Variants in FTCD observed in about 807,000 individuals in gnomAD.
FTCD encodes the protein formimidoyltransferase cyclodeaminase.
In FTCD, 76 loss-of-function variants were observed where a neutral mutation model predicts 62.9. The ratio of observed to expected loss-of-function variants is 1.21; its 90% CI spans 1.00 to 1.46. The LOEUF (loss-of-function observed/expected upper bound fraction) is 1.46. FTCD is among the 40% of genes most tolerant of loss of function. The probability of loss-of-function intolerance (pLI) is 0.00; values close to 1 mark genes in which losing one functional copy is unlikely to be tolerated. For synonymous variants in FTCD, 397 were observed against 336.9 expected (o/e 1.18, Z -1.95); for missense variants, 845 against 751.3 (o/e 1.12, Z -1.46).
In FTCD at chr21:46,152,112, T is replaced by G. The variant is rs1288734175; in HGVS notation, c.368-132A>C. On this transcript the variant is annotated intron_variant, in intron 3 of 13. Transcript: ENST00000397746. ...CTCTACTGCACCCTCTCCTGGGGAG[T>G]GCCCGTTCTCCGCCTTGGATGGATG... 6.2e-6 allele frequency: 4 copies of G among 646,740 alleles called. No homozygotes were observed. In the Admixed American group the frequency reaches 1.1e-4, roughly 18 times the overall value. 40.1% of individuals were successfully genotyped at this position (646,740 alleles called of 1,614,324 possible). A position where few individuals can be genotyped will look rare whatever the true frequency, so the allele number is the denominator to read the frequency against.
Position 46,137,759 on chromosome 21 carries a change from G to A in FTCD, c.1444-425C>T, listed in dbSNP as rs1024129637. 5.3e-5 allele frequency among the ~76,000 whole-genome samples: 8 copies of A among 152,136 alleles called. No homozygotes were observed. The South Asian group carries it at 1.2e-3, about 24-fold the overall frequency. The stretch of plus-strand genomic sequence containing the variant: ...GAGGCGTCTTTCCTATAAAGAACCC[G>A]AAGACCATGAGGTCTTAGGGCAGCT... On this transcript the variant is annotated intron_variant, in intron 12 of 13. Coordinates refer to ENST00000397746, the MANE Select transcript of FTCD (RefSeq NM_206965.2).
At chr21:46,154,424 G>GGGGCTGAGGAGGC in intron 1 of FTCD, 92 bp from the exon 2 acceptor site, 1 of 1,441,034 alleles carries the variant, frequency 6.9e-7, no homozygotes, top group Non-Finnish European at 9.4e-7. Context: ...GACACAAATG[G>GGGGCTGAGGAGGC]GGGCTGAGGA....
At chr21:46,153,065 G>A in intron 2 of FTCD, 30 bp from the exon 3 acceptor site, 1 of 1,539,422 alleles carries the variant, frequency 6.5e-7, no homozygotes, top group Non-Finnish European at 8.7e-7. Context: ...CCGGGCAGGA[G>A]GCCAGGTGTG....
chr21:46,136,724 G>A (rs1568956014), downstream of FTCD: 10 of 1,476,078 alleles, frequency 6.8e-6, no homozygotes, highest in Non-Finnish European at 9.0e-6. Context: ...CCTGCCCCAA[G>A]ACCCGCAGCT....
intron 1 of FTCD, 113 bp downstream of exon 1, chr21:46,155,357 T>C: frequency 1.1e-6 from 1 of 892,338 alleles, no homozygotes; most frequent in South Asian, 1.4e-5. Context: ...GCTCTGCCCA[T>C]CCTGGGAAGA....
At position 46,136,914 on chromosome 21, in the gene FTCD, C is replaced by A. The variant is rs539171341; in HGVS notation, c.*73G>T. 5.4e-5 allele frequency: 86 copies of A among 1,606,766 alleles called. No homozygotes were observed. In the African/African-American group the frequency reaches 1.1e-3, roughly 20 times the overall value. On this transcript the variant is annotated 3_prime_UTR_variant, in exon 14 of 14. Coordinates refer to ENST00000397746, the MANE Select transcript of FTCD (RefSeq NM_206965.2). Reference sequence around the variant, plus strand: ...CCCACACGAACAAGCTGTGTCCCCACCGAGGTCACAGCTCTGCCCTCTGGG... The same window carrying A: ...CCCACACGAACAAGCTGTGTCCCCAACGAGGTCACAGCTCTGCCCTCTGGG...
At position 46,150,485 on chromosome 21, in the gene FTCD, A is replaced by G. The variant is rs149445900; in HGVS notation, c.677T>C (p.Leu226Pro). ...LKKVQGIGWY[L>P]DEKNLAQVST... Reference sequence around the variant, plus strand: ...CACCTGAGCCAGGTTCTTCTCATCCAGGTACCAGCCAATGCCCTGAACTTT... The same window carrying G: ...CACCTGAGCCAGGTTCTTCTCATCCGGGTACCAGCCAATGCCCTGAACTTT... Residue 226 changes from leucine to proline, a missense_variant, in exon 6 of 14, where the codon CTG becomes CCG. Transcript: ENST00000397746. The G allele has an allele frequency of 1.9e-5, 31 of 1,613,080 alleles. No individual in the cohort carries two copies. In the African/African-American group the frequency reaches 3.7e-4, roughly 19 times the overall value.
At chr21:46,152,051 T>G in intron 3 of FTCD, 71 bp from the exon 4 acceptor site, 2 of 1,101,182 alleles carry the variant, frequency 1.8e-6, no homozygotes, top group Non-Finnish European at 2.7e-6. Context: ...AGGACGCAGG[T>G]GGAGGGGCTC....
rs373992149 is a variant in FTCD at position 46,151,558 on chromosome 21, C to G, written c.636G>C (p.Gln212His). Residue 212 changes from glutamine (Q) to histidine (H), a missense_variant and splice_region_variant, in exon 5 of 14, where the codon CAG becomes CAC. By Grantham distance (24) the Gln-to-His change is conservative. Coordinates refer to ENST00000397746, the MANE Select transcript of FTCD (RefSeq NM_206965.2). ...NLREQGRGKD[Q>H]PGRLKKVQGI... Reference sequence around the variant, plus strand: ...CCATGGGGTCAGTGAACGGGGTCACCTGGTCCTTCCCGCGGCCCTGCTCCC... The same window carrying G: ...CCATGGGGTCAGTGAACGGGGTCACGTGGTCCTTCCCGCGGCCCTGCTCCC... 8.1e-6 allele frequency: 13 copies of G among 1,612,204 alleles called. No homozygotes were observed. The South Asian group carries it at 1.3e-4, about 16-fold the overall frequency.
rs779560513 is a variant in FTCD at position 46,154,297 on chromosome 21, G to C, written c.90C>G (p.Thr30=). 4.3e-6 allele frequency: 7 copies of C among 1,611,684 alleles called. No individual in the cohort carries two copies. In the South Asian group the frequency reaches 6.6e-5, roughly 15 times the overall value. ...CCACATCCAGCAGCACGCAGCCCGGGGTCTGTGTGATGGCTCCAGAGATGG... is the reference window on the plus strand; with the variant it reads ...CCACATCCAGCAGCACGCAGCCCGGCGTCTGTGTGATGGCTCCAGAGATGG... ...IDAISGAITQ[T]PGCVLLDVDA... The change falls in exon 2 of 14, where the codon ACC becomes ACG. Residue 30 remains threonine (T), a synonymous_variant. Coordinates refer to ENST00000397746, the MANE Select transcript of FTCD (RefSeq NM_206965.2).
rs2079147319 is a variant in FTCD at position 46,146,339 on chromosome 21, G to T, written c.907-12C>A. ...AGCCGGCTCACCACCTGGAAAAGGG[G>T]CTTGGAGTGGAAACGGCCTCGGCGC... On this transcript the variant is annotated splice_polypyrimidine_tract_variant and intron_variant, in intron 7 of 13. Coordinates refer to ENST00000397746, the MANE Select transcript of FTCD (RefSeq NM_206965.2). The T allele has an allele frequency of 5.7e-6, 9 of 1,587,182 alleles. No individual in the cohort carries two copies. Among genetic ancestry groups the T allele is most frequent in the Non-Finnish European group, 7.7e-6 (9 of 1,163,412 alleles).
chr21:46,149,952 T>C (rs2079227203), intron 7 of FTCD, among the ~76,000 whole-genome samples, 167 bp downstream of exon 7: 2 of 151,904 alleles, frequency 1.3e-5, no homozygotes, highest in South Asian at 4.2e-4. Context: ...AAAACCTCAA[T>C]AAGGTGTCCA....
At chr21:46,154,814 TGCTG>T (rs2079391415) in intron 1 of FTCD, among the ~76,000 whole-genome samples, 1 of 152,200 alleles carries the variant, frequency 6.6e-6, no homozygotes, top group Non-Finnish European at 1.5e-5. Context: ...AGGGCCTTGG[TGCTG>T]GCTGGAATCC....
intron 4 of FTCD, 77 bp from the exon 5 acceptor site, chr21:46,151,814 C>T (rs2123566415): frequency 6.3e-7 from 1 of 1,579,090 alleles, no homozygotes; most frequent in East Asian, 2.3e-5. Context: ...GAAGGAGGGG[C>T]CCGGCCCAGC....
At chr21:46,137,180 G>A (rs896139678) in intron 13 of FTCD, 59 bp downstream of exon 13, 8 of 1,584,602 alleles carry the variant, frequency 5.0e-6, no homozygotes, top group South Asian at 2.2e-5. Context: ...CAATCACCCT[G>A]AGGCTGTGAA....
At chr21:46,139,285 C>T (rs1408311693) in intron 10 of FTCD, among the ~76,000 whole-genome samples, 1 of 152,186 alleles carries the variant, frequency 6.6e-6, no homozygotes, top group African/African-American at 2.4e-5. Context: ...AGCAGCTGCA[C>T]CGCCCCCAAG....
chr21:46,143,851 C>T (rs997716204), intron 10 of FTCD, among the ~76,000 whole-genome samples: 10 of 152,176 alleles, frequency 6.6e-5, no homozygotes, highest in African/African-American at 1.9e-4. Flanking sequence ...GGTCCACCAC[C>T]TCTTGTAAAG....
At position 46,150,487 on chromosome 21, in the gene FTCD, G is replaced by C; in HGVS notation, c.675C>G (p.Tyr225Ter). ...RLKKVQGIGW[Y>*]LDEKNLAQVS... is the part of the protein sequence containing the mutation. ...CCTGAGCCAGGTTCTTCTCATCCAGGTACCAGCCAATGCCCTGAACTTTCT... is the reference window on the plus strand; with the variant it reads ...CCTGAGCCAGGTTCTTCTCATCCAGCTACCAGCCAATGCCCTGAACTTTCT... Residue 225 changes from tyrosine to a stop codon, truncating the protein, a stop_gained, in exon 6 of 14, where the codon TAC (tyrosine) becomes TAG (stop). Coordinates refer to ENST00000397746, the MANE Select transcript of FTCD (RefSeq NM_206965.2). LOFTEE classifies it high-confidence loss of function. The C allele has an allele frequency of 6.2e-7, 1 of 1,613,166 alleles. No individual in the cohort carries two copies. The highest frequency in any genetic ancestry group is 8.5e-7 in the Non-Finnish European group (1 of 1,179,820).
At chr21:46,136,505 C>T, downstream of FTCD, 1 of 1,612,338 alleles carries the variant, frequency 6.2e-7, no homozygotes, top group Admixed American at 1.7e-5. Context: ...CTGTCCCATG[C>T]ACAGAACCAG....
Sources: gnomAD v4.1 joint callset for allele counts (sites outside exome capture counted in the v4.1 genomes callset) on GRCh38, gnomAD v4.1.1 for gene constraint, MANE v1.5 for transcripts, NCBI Gene and HGNC (gene_info 2026-07-23, HGNC 2026-07-21) for gene names.